The following UPP2 variants were observed in gnomAD, a reference collection of about 807,000 sequenced individuals.
The protein encoded by UPP2 is UPase 2.
UPP2 carries 23 observed loss-of-function variants against 26.7 expected under a neutral mutation model. The observed-to-expected ratio is 0.86, with a 90% CI of 0.62 to 1.22. The LOEUF (loss-of-function observed/expected upper bound fraction) is 1.22, where lower values mean the gene tolerates loss of function less well. Ranked by LOEUF, UPP2 falls within the 50% of genes most tolerant of loss-of-function variation. UPP2 has a pLI of 0.00. For synonymous variants in UPP2, 127 were observed against 141.3 expected, an observed-to-expected ratio of 0.90 and a Z score of 0.72; for missense variants, 387 against 396.7, an observed-to-expected ratio of 0.98 and a Z score of 0.21.
At chr2:158,012,812 T>G (rs1683601667) in intron 2 of UPP2, among the ~76,000 whole-genome samples, 1 of 152,190 alleles carries the variant, frequency 6.6e-6, no homozygotes, top group African/African-American at 2.4e-5. Flanking sequence ...TGTTTTTATG[T>G]GTACATATAC....
intron 3 of UPP2, among the ~76,000 whole-genome samples, chr2:158,081,565 C>T (rs1019104): frequency 0.063 from 9,662 of 152,208 alleles, 417 homozygotes; most frequent in Non-Finnish European, 0.097. Flanking sequence ...TGGAAGCAAT[C>T]TAAGTGTCGA....
At chr2:158,008,348 A>C (rs941767971) in intron 2 of UPP2, among the ~76,000 whole-genome samples, 14 of 152,162 alleles carry the variant, frequency 9.2e-5, no homozygotes. Flanking sequence ...ATGCTGAATT[A>C]TTTACTGTAT....
chr2:158,060,275 G>A (rs1161518745), intron 3 of UPP2, among the ~76,000 whole-genome samples: 1 of 152,128 alleles, frequency 6.6e-6, no homozygotes, highest in Non-Finnish European at 1.5e-5. Context: ...CCAAGTATTA[G>A]TGTGTCTTCA....
intron 3 of UPP2, among the ~76,000 whole-genome samples, chr2:158,085,155 C>G (rs1004169698): frequency 2.0e-5 from 3 of 151,918 alleles, no homozygotes; most frequent in Non-Finnish European, 4.4e-5. Flanking sequence ...TTTGTTTTGT[C>G]TATGATTTTT....
chr2:158,075,500 C>T (rs1412176679), intron 3 of UPP2, among the ~76,000 whole-genome samples: 1 of 151,890 alleles, frequency 6.6e-6, no homozygotes, highest in Non-Finnish European at 1.5e-5. Context: ...TCTCTGACCA[C>T]CATGGAATAG....
At chr2:158,093,868 T>C (rs1682948025) in intron 3 of UPP2, among the ~76,000 whole-genome samples, 1 of 151,770 alleles carries the variant, frequency 6.6e-6, no homozygotes, top group African/African-American at 2.4e-5. Context: ...GAAACTCTTA[T>C]GTGCATACAC....
chr2:158,061,029 T>G (rs965506209), intron 3 of UPP2, among the ~76,000 whole-genome samples: 1 of 152,248 alleles, frequency 6.6e-6, no homozygotes, highest in Admixed American at 6.5e-5. Context: ...AACTTTTCAG[T>G]GAACTGGTAG....
At chr2:158,064,948 A>T (rs1315076367) in intron 3 of UPP2, among the ~76,000 whole-genome samples, 2 of 152,056 alleles carry the variant, frequency 1.3e-5, no homozygotes. Context: ...TGGTCTATAT[A>T]TCTGTTTTGG....
intron 1 of UPP2, among the ~76,000 whole-genome samples, chr2:158,105,543 T>C (rs1182940419): frequency 6.6e-6 from 1 of 151,860 alleles, no homozygotes; most frequent in African/African-American, 2.4e-5. Flanking sequence ...AGAAGAAGAG[T>C]CCATGAAGTG....
chr2:158,102,404 T>G (rs1370212696), intron 1 of UPP2, among the ~76,000 whole-genome samples: 4 of 152,134 alleles, frequency 2.6e-5, no homozygotes, highest in Non-Finnish European at 5.9e-5. Context: ...CCTTCAGTAG[T>G]AAACAAATTC....
At chr2:158,105,969 T>C (rs1369948138) in intron 1 of UPP2, 130 bp from the exon 2 acceptor site, 1 of 678,518 alleles carries the variant, frequency 1.5e-6, no homozygotes, top group Non-Finnish European at 2.5e-6. Context: ...TTAGCCATAA[T>C]TACTGTTATA....
chr2:158,044,198 T>C (rs147824284), intron 3 of UPP2, among the ~76,000 whole-genome samples: 2 of 152,264 alleles, frequency 1.3e-5, no homozygotes, highest in East Asian at 1.9e-4. Flanking sequence ...GCAAAAATCA[T>C]TGAGGAACTG....
chr2:158,085,810 A>C (rs1413984147), intron 3 of UPP2, among the ~76,000 whole-genome samples: 2 of 151,936 alleles, frequency 1.3e-5, no homozygotes, highest in Non-Finnish European at 2.9e-5. Context: ...ACATTTATTG[A>C]CTTACATATG....
At chr2:158,023,233 G>GGGGC (rs946727819) in intron 3 of UPP2, among the ~76,000 whole-genome samples, 17 of 146,516 alleles carry the variant, frequency 1.2e-4, no homozygotes, top group South Asian at 4.8e-4. Flanking sequence ...TGTCAGTTGG[G>GGGGC]GGGGGGCATT....
Position 158,115,163 on chromosome 2 carries a change from G to T in UPP2, c.243G>T (p.Glu81Asp). 1 of 1,613,766 alleles carries T rather than the reference G, an allele frequency of 6.2e-7. No homozygotes were observed. The change falls in exon 3 of 7, where the codon GAG becomes GAT. Residue 81 changes from glutamate to aspartate, a missense_variant. Physicochemically the swap from Glu to Asp is conservative, Grantham distance 45 (BLOSUM62 2). Transcript: ENST00000005756. ...MKAFALFMHK[E>D]LGFEEAEEDI... The stretch of plus-strand genomic sequence containing the variant: ...CATTTGCACTGTTTATGCACAAGGA[G>T]CTCGGGTTTGAGGAAGCTGAAGAAG...
At chr2:158,000,500 C>CAGGAAGA (rs1683388622) in intron 2 of UPP2, among the ~76,000 whole-genome samples, 3 of 152,248 alleles carry the variant, frequency 2.0e-5, no homozygotes, top group African/African-American at 7.2e-5. Flanking sequence ...TGTTGCTCTT[C>CAGGAAGA]CTCCATCTAT....
At chr2:158,094,043 C>T (rs987179011) in intron 3 of UPP2, among the ~76,000 whole-genome samples, 3 of 150,262 alleles carry the variant, frequency 2.0e-5, no homozygotes, top group Non-Finnish European at 3.0e-5. Context: ...TATACATATA[C>T]CATATACATA....
At chr2:158,131,603 C>G (rs191794782) in intron 6 of UPP2, among the ~76,000 whole-genome samples, 1 of 152,166 alleles carries the variant, frequency 6.6e-6, no homozygotes, top group African/African-American at 2.4e-5. Context: ...CAGGGTGCAT[C>G]CAAGCTCCAT....
chr2:158,127,247 G>T (rs1683713236), intron 6 of UPP2, among the ~76,000 whole-genome samples: 1 of 152,128 alleles, frequency 6.6e-6, no homozygotes, highest in South Asian at 2.1e-4. Context: ...TCATTTATCT[G>T]CATCACATTT....
Sources: gnomAD v4.1 joint callset for allele counts (sites outside exome capture counted in the v4.1 genomes callset) on GRCh38, gnomAD v4.1.1 for gene constraint, MANE v1.5 for transcripts, NCBI Gene and HGNC (gene_info 2026-07-23, HGNC 2026-07-21) for gene names.